Variants in KIF14 observed in about 807,000 individuals in gnomAD.
KIF14 encodes the protein kinesin family member 14, also known as kinesin-like protein KIF14.
KIF14 carries 98 observed loss-of-function variants against 176.2 expected under a neutral mutation model. The ratio of observed to expected loss-of-function variants is 0.56; its 90% CI spans 0.47 to 0.66. The LOEUF is 0.66. Ranked by LOEUF, KIF14 falls within the 30% of genes least tolerant of loss-of-function variation. The pLI is 0.00. For synonymous variants in KIF14, 566 were observed against 632.2 expected, an observed-to-expected ratio of 0.90 and a Z score of 1.57; for missense variants, 1,751 against 1,920.4, an observed-to-expected ratio of 0.91 and a Z score of 1.65.
intron 17 of KIF14, 42 bp from the exon 18 acceptor site, chr1:200,589,411 T>C: frequency 3.3e-6 from 5 of 1,525,022 alleles, no homozygotes; most frequent in Non-Finnish European, 4.4e-6. Flanking sequence ...GCAAAAACCG[T>C]AGCAAAAAAG....
At position 200,608,871 on chromosome 1, in the gene KIF14, G is replaced by T; in HGVS notation, c.1513C>A (p.Leu505Ile). The T allele has an allele frequency of 1.9e-6, 3 of 1,610,686 alleles. No homozygotes were observed. The highest frequency in any genetic ancestry group is 1.7e-6 in the Non-Finnish European group (2 of 1,177,280). ...CCATTTTCATCTTTACAAACCAGAA[G>T]GTCGTGAATTTTTTCATTATATACT... ...FEVYNEKIHD[L>I]LVCKDENGQR... Residue 505 changes from leucine (L) to isoleucine (I), a missense_variant, in exon 5 of 30, where the codon CTT becomes ATT. Physicochemically the swap from Leu to Ile is conservative, Grantham distance 5. Transcript: ENST00000367350.
In KIF14 at chr1:200,553,555, A is replaced by G. The variant is rs762029099; in HGVS notation, c.4780T>C (p.Trp1594Arg). Residue 1594 changes from tryptophan to arginine, a missense_variant, in exon 30 of 30, where the codon TGG becomes CGG. By Grantham distance (101) the Trp-to-Arg change is moderately radical (BLOSUM62 -3). Coordinates refer to ENST00000367350, the MANE Select transcript of KIF14 (RefSeq NM_014875.3). ...SEESPDLLKP[W>R]ETYNQNTKEE... is the part of the protein sequence containing the mutation. The stretch of plus-strand genomic sequence containing the variant: ...TTGGTATTTTGATTATAAGTTTCCC[A>G]GGGTTTCAACAAATCAGGGCTTTCT... The G allele has an allele frequency of 6.2e-7, 1 of 1,613,940 alleles. No homozygotes were observed. Among genetic ancestry groups the G allele is most frequent in the Non-Finnish European group, 8.5e-7 (1 of 1,180,004 alleles).
chr1:200,608,682 A>G lies in KIF14; in HGVS notation c.1554+148T>C. On this transcript the variant is annotated intron_variant, in intron 5 of 29. Coordinates refer to ENST00000367350, the MANE Select transcript of KIF14 (RefSeq NM_014875.3). ...CCGGCCAGTGCTCTGCTTATTTTCT[A>G]AATAATCTAATTGGACTGTAGATCC... is the stretch of plus-strand genomic sequence containing the variant. 1.9e-5 allele frequency: 11 copies of G among 587,678 alleles called. 1 individual carries two copies. The South Asian group carries it at 2.5e-4, about 13-fold the overall frequency. 36.4% of individuals were successfully genotyped at this position (587,678 alleles called of 1,614,324 possible).
At chr1:200,597,213 A>G (rs1268197910) in intron 14 of KIF14, among the ~76,000 whole-genome samples, 1 of 152,072 alleles carries the variant, frequency 6.6e-6, no homozygotes, top group African/African-American at 2.4e-5. Context: ...AAAACTGACA[A>G]TCATAAAGGA....
At position 200,615,354 on chromosome 1, in the gene KIF14, C is replaced by G; in HGVS notation, c.1367+1G>C. Reference sequence around the variant, plus strand: ...ATAATTGCATTTCCAATACAACTTACGTATATGATTTTCCAGAGCCAGTCT... The same window carrying G: ...ATAATTGCATTTCCAATACAACTTAGGTATATGATTTTCCAGAGCCAGTCT... On this transcript the variant is annotated splice_donor_variant, in intron 3 of 29. Transcript: ENST00000367350. LOFTEE classifies it high-confidence loss of function. 6.2e-7 allele frequency: 1 copy of G among 1,608,226 alleles called. No homozygotes were observed. Among genetic ancestry groups the G allele is most frequent in the Non-Finnish European group, 8.5e-7 (1 of 1,177,312 alleles).
At chr1:200,579,540 C>T (rs1658329735) in intron 21 of KIF14, among the ~76,000 whole-genome samples, 1 of 151,292 alleles carries the variant, frequency 6.6e-6, no homozygotes, top group African/African-American at 2.4e-5. Flanking sequence ...ACCCGGGAGG[C>T]GGAGGTTGCA....
In KIF14 at chr1:200,575,781, T is replaced by C. The variant is rs531730673; in HGVS notation, c.3466-90A>G. ...AAAAAAGATTAAATCCTTTGTTACA[T>C]TTAAACCATAAAATTAGCAGATTAT... On this transcript the variant is annotated intron_variant, in intron 21 of 29. Transcript: ENST00000367350. 1,053 of 630,978 alleles carry C rather than the reference T, an allele frequency of 1.7e-3. 5 individuals are homozygous for C. Among genetic ancestry groups the C allele is most frequent in the South Asian group, 7.6e-3 (223 of 29,190 alleles). The allele number at this position is 630,978 out of a possible 1,614,324, so 39.1% of individuals were successfully genotyped here.
Position 200,552,978 on chromosome 1 carries a change from C to T in KIF14, c.*410G>A, listed in dbSNP as rs1263815101. ...TTATTTATTTTGACTAAGTCTCGTT[C>T]TGTTGCTCAGACTGGAGTAAAGTGG... is the stretch of plus-strand genomic sequence containing the variant. On this transcript the variant is annotated 3_prime_UTR_variant, in exon 30 of 30. Transcript: ENST00000367350. The T allele has an allele frequency of 6.6e-6, 1 of 151,792 alleles. No homozygotes were observed. The highest frequency in any genetic ancestry group is 1.5e-5 in the Non-Finnish European group (1 of 68,006). The allele number at this position is 151,792 out of a possible 1,614,324, so 9.4% of individuals were successfully genotyped here.
In KIF14 at chr1:200,607,563, GTTACA is replaced by G. The variant is rs10597741; in HGVS notation, c.1555-770_1555-766del. Among the ~76,000 whole-genome samples the G allele has an allele frequency of 3.8e-3, 578 of 152,170 alleles. 10 individuals are homozygous for G. The East Asian group carries it at 0.06, about 16-fold the overall frequency. ...TCAGACATTAAAATTTTTCTTTATT[GTTACA>G]TTATACATTTTCAACTTTGTGACCA... On this transcript the variant is annotated intron_variant, in intron 5 of 29. Transcript: ENST00000367350.
chr1:200,575,066 C>T (rs1210814722), intron 22 of KIF14, among the ~76,000 whole-genome samples: 1 of 150,552 alleles, frequency 6.6e-6, no homozygotes, highest in Non-Finnish European at 1.5e-5. Flanking sequence ...ATGCCATTCT[C>T]CTGCCTAAGC....
intron 23 of KIF14, 93 bp downstream of exon 23, chr1:200,569,818 G>A (rs1423615373): frequency 9.4e-6 from 6 of 638,044 alleles, no homozygotes; most frequent in Non-Finnish European, 1.3e-5. Context: ...TCCAGGAAAT[G>A]AAATGATTTG....
At chr1:200,576,950 C>T (rs1658149517) in intron 21 of KIF14, among the ~76,000 whole-genome samples, 1 of 151,836 alleles carries the variant, frequency 6.6e-6, no homozygotes, top group Non-Finnish European at 1.5e-5. Flanking sequence ...TCACCGCAGC[C>T]TTCCAAGCAG....
Position 200,565,379 on chromosome 1 carries a change from A to C in KIF14, c.3886+66T>G, listed in dbSNP as rs1310719873. ...GCCAGATGTGCCAAATAATCACTCA[A>C]AACAAAGTGCAATGTGCAGAAAATA... On this transcript the variant is annotated intron_variant, in intron 24 of 29. Transcript: ENST00000367350. The C allele has an allele frequency of 7.6e-6, 11 of 1,447,742 alleles. No individual in the cohort carries two copies. In the South Asian group the frequency reaches 1.5e-4, roughly 20 times the overall value. 89.7% of individuals were successfully genotyped at this position (1,447,742 alleles called of 1,614,324 possible).
chr1:200,560,956 C>A, intron 25 of KIF14, 76 bp from the exon 26 acceptor site: 1 of 1,333,926 alleles, frequency 7.5e-7, no homozygotes. Flanking sequence ...AAGGGCCGGG[C>A]ACAGCGGCTC....
At chr1:200,600,533 A>G in intron 11 of KIF14, 30 bp from the exon 12 acceptor site, 2 of 1,470,668 alleles carry the variant, frequency 1.4e-6, no homozygotes, top group Middle Eastern at 1.7e-4. Flanking sequence ...TGCATTAATA[A>G]TAACATTTAA....
At chr1:200,618,897 G>C (rs1660551475) in intron 1 of KIF14, 59 bp from the exon 2 acceptor site, 1 of 566,028 alleles carries the variant, frequency 1.8e-6, no homozygotes, top group Non-Finnish European at 3.0e-6. Context: ...TAAAAATATA[G>C]AGAGAACATC....
rs1403759553 is a variant in KIF14 at position 200,565,184 on chromosome 1, A to G, written c.3956T>C (p.Val1319Ala). ...QTACAFEQLVVLMKHWLSDLL... is the reference protein window; with the variant it reads ...QTACAFEQLVALMKHWLSDLL... ...ATCACTCAGCCAGTGTTTCATTAGC[A>G]CTACTAGCTGCTCAAAAGCACATGC... The change falls in exon 25 of 30, where the codon GTG becomes GCG. Residue 1319 changes from valine to alanine, a missense_variant. Val to Ala is a moderately conservative substitution (Grantham distance 64). Coordinates refer to ENST00000367350, the MANE Select transcript of KIF14 (RefSeq NM_014875.3). The G allele has an allele frequency of 6.2e-7, 1 of 1,614,016 alleles. No individual in the cohort carries two copies. Among genetic ancestry groups the G allele is most frequent in the Admixed American group, 1.7e-5 (1 of 60,022 alleles).
At chr1:200,556,330 G>T (rs1656828295) in intron 27 of KIF14, among the ~76,000 whole-genome samples, 1 of 152,028 alleles carries the variant, frequency 6.6e-6, no homozygotes, top group Non-Finnish European at 1.5e-5. Context: ...AATTCCAAAA[G>T]AATATCCAAA....
intron 25 of KIF14, among the ~76,000 whole-genome samples, chr1:200,563,062 T>C (rs1214758834): frequency 9.9e-5 from 15 of 152,196 alleles, no homozygotes; most frequent in Admixed American, 5.2e-4. Flanking sequence ...TAACCAAGTC[T>C]TGGGGAGACC....
Sources: gnomAD v4.1 joint callset for allele counts (sites outside exome capture counted in the v4.1 genomes callset) on GRCh38, gnomAD v4.1.1 for gene constraint, MANE v1.5 for transcripts, NCBI Gene and HGNC (gene_info 2026-07-23, HGNC 2026-07-21) for gene names.